The following TMEM178B variants were observed in gnomAD, a reference collection of about 807,000 sequenced individuals.
The protein encoded by TMEM178B is transmembrane protein 178B.
Under a neutral mutation model 31.0 loss-of-function variants are expected in TMEM178B, and 5 were observed. That is an observed-to-expected ratio of 0.16 (90% CI 0.08 to 0.34). The LOEUF is 0.34. Among genes scored for constraint, TMEM178B ranks in the 10% least tolerant of loss-of-function variants. The pLI is 1.00. For missense variants in TMEM178B, 275 were observed against 400.3 expected (o/e 0.69, Z 2.67); for synonymous variants, 164 against 164.0 (o/e 1.00, Z 0.00).
Position 141,474,729 on chromosome 7 carries a change from C to T in TMEM178B, c.*3943C>T, listed in dbSNP as rs530523594. ...GGCCCTATATCTCAATATTCATCCA[C>T]ACTCATGATAAGATGCCGGAAATGA... is the stretch of plus-strand genomic sequence containing the variant. On this transcript the variant is annotated 3_prime_UTR_variant, in exon 4 of 4. Coordinates refer to ENST00000565468, the MANE Select transcript of TMEM178B (RefSeq NM_001195278.2). 6.6e-6 allele frequency: 1 copy of T among 152,308 alleles called. No individual in the cohort carries two copies. Among genetic ancestry groups the T allele is most frequent in the African/African-American group, 2.4e-5 (1 of 41,564 alleles). 9.4% of individuals were successfully genotyped at this position (152,308 alleles called of 1,614,324 possible).
At chr7:141,307,342 G>A (rs1257859005) in intron 2 of TMEM178B, among the ~76,000 whole-genome samples, 1 of 152,170 alleles carries the variant, frequency 6.6e-6, no homozygotes, top group Non-Finnish European at 1.5e-5. Context: ...ATTTCCATAC[G>A]GGTATATTTT....
intron 1 of TMEM178B, among the ~76,000 whole-genome samples, chr7:141,208,603 G>A (rs1225454720): frequency 1.3e-5 from 2 of 152,220 alleles, no homozygotes; most frequent in African/African-American, 4.8e-5. Context: ...AAAGCAAATA[G>A]CGAGGGCCTG....
At chr7:141,485,130 A>G (rs1802535138), downstream of TMEM178B, among the ~76,000 whole-genome samples, 1 of 152,162 alleles carries the variant, frequency 6.6e-6, no homozygotes, top group Non-Finnish European at 1.5e-5. Context: ...ACCACAGGAG[A>G]GCAGTCTTGG....
At chr7:141,382,254 GA>G (rs1418993658) in intron 2 of TMEM178B, among the ~76,000 whole-genome samples, 1 of 152,164 alleles carries the variant, frequency 6.6e-6, no homozygotes, top group Admixed American at 6.5e-5. Flanking sequence ...TCCTCATTAT[GA>G]ATCATTAGGC....
rs115196213 is a variant in TMEM178B, at chr7:141,227,557, A to G, written c.496+14853A>G. On this transcript the variant is annotated intron_variant, in intron 2 of 3. Coordinates refer to ENST00000565468, the MANE Select transcript of TMEM178B (RefSeq NM_001195278.2). ...TAACAGAGGTTAAATAACTCACAGAAGAGCCGTGTCCTATGAGCCTTATGA... is the reference window on the plus strand; with the variant it reads ...TAACAGAGGTTAAATAACTCACAGAGGAGCCGTGTCCTATGAGCCTTATGA... 9.7e-3 allele frequency among the ~76,000 whole-genome samples: 1,480 copies of G among 152,324 alleles called. 25 individuals carry two copies. The highest frequency in any genetic ancestry group is 0.034 in the African/African-American group (1,407 of 41,562).
chr7:141,401,391 C>G (rs1388067321), intron 2 of TMEM178B, among the ~76,000 whole-genome samples: 4 of 151,988 alleles, frequency 2.6e-5, no homozygotes, highest in African/African-American at 9.7e-5. Flanking sequence ...ACATTAAGCA[C>G]AGGGGTTATC....
chr7:141,288,942 G>T (rs562292407), intron 2 of TMEM178B, among the ~76,000 whole-genome samples: 1 of 152,242 alleles, frequency 6.6e-6, no homozygotes, highest in South Asian at 2.1e-4. Flanking sequence ...AACAGCCTTG[G>T]CTTTCCTCCC....
chr7:141,457,644 G>A (rs1162696008), intron 3 of TMEM178B, among the ~76,000 whole-genome samples: 1 of 152,214 alleles, frequency 6.6e-6, no homozygotes, highest in Non-Finnish European at 1.5e-5. Flanking sequence ...ATAAGAAAGT[G>A]TGGGGTAACC....
chr7:141,179,701 G>C (rs1796488396), intron 1 of TMEM178B, among the ~76,000 whole-genome samples: 1 of 152,128 alleles, frequency 6.6e-6, no homozygotes, highest in South Asian at 2.1e-4. Flanking sequence ...TGAGGTTGAG[G>C]GGAAAGCCTT....
intron 1 of TMEM178B, among the ~76,000 whole-genome samples, chr7:141,205,830 A>G (rs1474058603): frequency 6.6e-6 from 1 of 152,154 alleles, no homozygotes; most frequent in African/African-American, 2.4e-5. Context: ...GTGGGAGAAA[A>G]ACTGCCTGCT....
At chr7:141,135,464 T>C (rs908736008) in intron 1 of TMEM178B, among the ~76,000 whole-genome samples, 4 of 152,226 alleles carry the variant, frequency 2.6e-5, no homozygotes, top group Non-Finnish European at 5.9e-5. Flanking sequence ...TTCTCCAGAA[T>C]AGGCTGTATT....
chr7:141,196,496 G>A (rs1414043645), intron 1 of TMEM178B, among the ~76,000 whole-genome samples: 4 of 152,114 alleles, frequency 2.6e-5, no homozygotes, highest in African/African-American at 9.7e-5. Flanking sequence ...AATCTGTTAG[G>A]TTTGCTGTTG....
chr7:141,339,481 G>A (rs1434716713), intron 2 of TMEM178B, among the ~76,000 whole-genome samples: 1 of 151,912 alleles, frequency 6.6e-6, no homozygotes, highest in East Asian at 1.9e-4. Context: ...CCAAGCAGGG[G>A]GTCAGAAAAC....
rs55726735 is a variant in TMEM178B at position 141,215,337 on chromosome 7, A to ATTATTATTTTT, written c.496+2635_496+2636insATTATTTTTTT. 3.6e-3 allele frequency among the ~76,000 whole-genome samples: 504 copies of ATTATTATTTTT among 141,542 alleles called. 3 individuals are homozygous for ATTATTATTTTT. Among genetic ancestry groups the ATTATTATTTTT allele is most frequent in the African/African-American group, 0.011 (428 of 39,508 alleles). The allele number at this position is 141,542 out of a possible 152,430, so 92.9% of individuals were successfully genotyped here. A position where few individuals can be genotyped will look rare whatever the true frequency, so the allele number is the denominator to read the frequency against. On this transcript the variant is annotated intron_variant, in intron 2 of 3. Transcript: ENST00000565468. Reference sequence around the variant, plus strand: ...CATCTTTATTATTATTATTATTATTATTTTTTGAGATGGAGTCTCACTCTG... The same window carrying ATTATTATTTTT: ...CATCTTTATTATTATTATTATTATTATTATTATTTTTTTTTTTGAGATGGAGTCTCACTCTG...
chr7:141,457,016 C>G (rs1365000540), intron 3 of TMEM178B, among the ~76,000 whole-genome samples: 2 of 152,196 alleles, frequency 1.3e-5, no homozygotes, highest in African/African-American at 4.8e-5. Context: ...AATTTGTTTC[C>G]TTTCCAGAAC....
chr7:141,114,108 T>C (rs1298844964), intron 1 of TMEM178B, among the ~76,000 whole-genome samples: 1 of 152,222 alleles, frequency 6.6e-6, no homozygotes, highest in Non-Finnish European at 1.5e-5. Flanking sequence ...GTGAAGGCCC[T>C]AAGGGAGAAA....
chr7:141,298,347 A>G (rs1026008859), intron 2 of TMEM178B, among the ~76,000 whole-genome samples: 2 of 152,116 alleles, frequency 1.3e-5, no homozygotes, highest in African/African-American at 4.8e-5. Context: ...GCTGTGCAGA[A>G]GCTCTTTAGT....
In TMEM178B at chr7:141,359,833, C is replaced by T. The variant is rs150747152; in HGVS notation, c.497-77775C>T. ...TAAAGAAAAAGAGGTTTAATGGACT[C>T]ACAGTTCTACGTGGCTGGGGAGGCC... On this transcript the variant is annotated intron_variant, in intron 2 of 3. Coordinates refer to ENST00000565468, the MANE Select transcript of TMEM178B (RefSeq NM_001195278.2). Among the ~76,000 whole-genome samples, 1,348 of 152,256 alleles carry T rather than the reference C, an allele frequency of 8.9e-3. 14 individuals are homozygous for T. Among genetic ancestry groups the T allele is most frequent in the Non-Finnish European group, 0.012 (785 of 68,010 alleles).
chr7:141,162,299 C>T (rs1484470786), intron 1 of TMEM178B, among the ~76,000 whole-genome samples: 1 of 152,240 alleles, frequency 6.6e-6, no homozygotes, highest in African/African-American at 2.4e-5. Context: ...TTACATCCCT[C>T]AGCTGTCCCT....
Sources: allele counts gnomAD v4.1 joint callset (sites outside exome capture counted in the v4.1 genomes callset), GRCh38; gene constraint gnomAD v4.1.1; transcripts MANE v1.5; gene names NCBI Gene and HGNC (gene_info 2026-07-23, HGNC 2026-07-21).